The following CCNYL1 variants were observed in gnomAD, a reference collection of about 807,000 sequenced individuals.
The protein encoded by CCNYL1 is cyclin-Y-like protein 1.
In CCNYL1, 16 loss-of-function variants were observed where a neutral mutation model predicts 44.2. The observed-to-expected ratio is 0.36, with a 90% CI of 0.25 to 0.55. The LOEUF (loss-of-function observed/expected upper bound fraction) is 0.55. CCNYL1 is among the 20% of genes least tolerant of loss of function. The probability of loss-of-function intolerance (pLI) is 0.85; values close to 1 mark genes in which losing one functional copy is unlikely to be tolerated. For synonymous variants in CCNYL1, 159 were observed against 163.2 expected (o/e 0.97, Z 0.20); for missense variants, 348 against 451.8 (o/e 0.77, Z 2.08).
In CCNYL1 at chr2:207,753,917, G is replaced by T; in HGVS notation, c.*219G>T. ...TCTTCTGTCCTTTTTAATGTAAACA[G>T]AGTTACAAAAACCACTCCAAAGTGA... On this transcript the variant is annotated 3_prime_UTR_variant, in exon 10 of 10. Transcript: ENST00000295414. The T allele has an allele frequency of 7.1e-6, 3 of 423,520 alleles. No individual in the cohort carries two copies. The highest frequency in any genetic ancestry group is 8.4e-6 in the Non-Finnish European group (2 of 237,390). The allele number at this position is 423,520 out of a possible 1,614,324, so 26.2% of individuals were successfully genotyped here. A position where few individuals can be genotyped will look rare whatever the true frequency, so the allele number is the denominator to read the frequency against.
chr2:207,747,642 A>G (rs1422138484), intron 8 of CCNYL1, among the ~76,000 whole-genome samples: 3 of 152,170 alleles, frequency 2.0e-5, no homozygotes, highest in East Asian at 3.9e-4. Context: ...TCCACCTCCC[A>G]GGTTCAAGCG....
chr2:207,732,644 A>C (rs1186627327), intron 3 of CCNYL1, among the ~76,000 whole-genome samples: 1 of 152,160 alleles, frequency 6.6e-6, no homozygotes, highest in Non-Finnish European at 1.5e-5. Context: ...TTTAAAAAAA[A>C]ATGCTACTGT....
chr2:207,748,315 A>G (rs2091869502), intron 8 of CCNYL1, among the ~76,000 whole-genome samples: 1 of 152,168 alleles, frequency 6.6e-6, no homozygotes, highest in Non-Finnish European at 1.5e-5. Context: ...CACTCGGACA[A>G]CCACAGCACC....
At chr2:207,741,826 A>G (rs1289138041) in intron 6 of CCNYL1, among the ~76,000 whole-genome samples, 2 of 136,690 alleles carry the variant, frequency 1.5e-5, no homozygotes, top group African/African-American at 5.6e-5. Flanking sequence ...AGCCTGGGCG[A>G]CAGAGCAAGA....
intron 1 of CCNYL1, among the ~76,000 whole-genome samples, chr2:207,716,312 C>G (rs142586183): frequency 1.4e-5 from 2 of 144,518 alleles, no homozygotes; most frequent in East Asian, 4.0e-4. Flanking sequence ...GATCTTTCCT[C>G]TTTCCAGTAG....
chr2:207,751,252 C>T, intron 9 of CCNYL1, 133 bp downstream of exon 9: 1 of 705,590 alleles, frequency 1.4e-6, no homozygotes, highest in Non-Finnish European at 2.3e-6. Context: ...GCTTATTAGC[C>T]CTTTGGCGTC....
At chr2:207,712,229 C>A in intron 1 of CCNYL1, 113 bp downstream of exon 1, 1 of 846,684 alleles carries the variant, frequency 1.2e-6, no homozygotes, top group Non-Finnish European at 1.8e-6. Flanking sequence ...GGTAGCCGGC[C>A]CCGGGACGAA....
At chr2:207,718,668 A>G (rs746863360) in intron 1 of CCNYL1, among the ~76,000 whole-genome samples, 24 of 152,252 alleles carry the variant, frequency 1.6e-4, no homozygotes, top group Non-Finnish European at 4.4e-5. Flanking sequence ...AGAAGATCCA[A>G]AAACTTGACA....
intron 1 of CCNYL1, among the ~76,000 whole-genome samples, chr2:207,715,066 G>A (rs1012072357): frequency 6.6e-6 from 1 of 152,128 alleles, no homozygotes; most frequent in Non-Finnish European, 1.5e-5. Flanking sequence ...TCAGGAGTTC[G>A]AGAGCAGCCT....
intron 4 of CCNYL1, among the ~76,000 whole-genome samples, chr2:207,736,674 A>G (rs1392227564): frequency 6.6e-6 from 1 of 152,220 alleles, no homozygotes; most frequent in African/African-American, 2.4e-5. Context: ...AGGGGAAATA[A>G]TGAAAGATGG....
chr2:207,724,061 A>G (rs1000730875), intron 1 of CCNYL1, among the ~76,000 whole-genome samples: 2 of 152,126 alleles, frequency 1.3e-5, no homozygotes, highest in African/African-American at 4.8e-5. Flanking sequence ...AGGCAGGTTT[A>G]TCTTGACATA....
At chr2:207,751,985 A>G (rs912631088) in intron 9 of CCNYL1, among the ~76,000 whole-genome samples, 5 of 151,940 alleles carry the variant, frequency 3.3e-5, no homozygotes, top group Admixed American at 2.0e-4. Context: ...CAGTGAGCCA[A>G]GATTGCACCG....
At chr2:207,712,172 C>T (rs1340354072) in intron 1 of CCNYL1, 56 bp downstream of exon 1, 5 of 1,466,930 alleles carry the variant, frequency 3.4e-6, no homozygotes, top group Non-Finnish European at 4.6e-6. Flanking sequence ...CGCCTCCTCC[C>T]CCAGAGTCCC....
intron 6 of CCNYL1, among the ~76,000 whole-genome samples, chr2:207,741,197 G>A (rs774712189): frequency 4.6e-4 from 70 of 152,068 alleles, no homozygotes; most frequent in Non-Finnish European, 7.5e-4. Context: ...GGAGCTTGCA[G>A]TGAGCCAAGA....
chr2:207,721,713 A>G lies in CCNYL1; in HGVS notation c.221-3087A>G, dbSNP rs188845836. On this transcript the variant is annotated intron_variant, in intron 1 of 9. Transcript: ENST00000295414. ...ATCAAAAACTATTTCTTCTAGTTTC[A>G]AACATTCTTAGGAGTTTTTTGTTTT... Among the ~76,000 whole-genome samples, 105 of 151,982 alleles carry G rather than the reference A, an allele frequency of 6.9e-4. 1 individual carries two copies. In the Middle Eastern group the frequency reaches 0.014, roughly 20 times the overall value.
intron 8 of CCNYL1, among the ~76,000 whole-genome samples, chr2:207,749,460 C>T (rs1347819058): frequency 6.6e-6 from 1 of 151,984 alleles, no homozygotes; most frequent in African/African-American, 2.4e-5. Context: ...TTTGCTGTGC[C>T]TGTAAAGGGT....
intron 7 of CCNYL1, among the ~76,000 whole-genome samples, chr2:207,743,890 C>T (rs2091831660): frequency 6.6e-6 from 1 of 152,012 alleles, no homozygotes; most frequent in Non-Finnish European, 1.5e-5. Context: ...CCAGGCTGGT[C>T]TCAGAACTGA....
intron 5 of CCNYL1, among the ~76,000 whole-genome samples, chr2:207,737,692 T>TA (rs2091776146): frequency 6.7e-6 from 1 of 148,980 alleles, no homozygotes; most frequent in African/African-American, 2.5e-5. Context: ...AGTTGAGAAT[T>TA]TAAAAAAAAA....
rs1305942223 is a variant in CCNYL1, at chr2:207,755,137, G to T, written c.*1439G>T. ...TTCATGCCTGTAATCTCAGTACCCT[G>T]GGAGGCTGAGGTGGAAGGATTGCTT... On this transcript the variant is annotated 3_prime_UTR_variant, in exon 10 of 10. Coordinates refer to ENST00000295414, the MANE Select transcript of CCNYL1 (RefSeq NM_001330218.2). 1 of 152,132 alleles carries T rather than the reference G, an allele frequency of 6.6e-6. No individual in the cohort carries two copies. Among genetic ancestry groups the T allele is most frequent in the East Asian group, 1.9e-4 (1 of 5,172 alleles). The allele number at this position is 152,132 out of a possible 1,614,324, so 9.4% of individuals were successfully genotyped here. A position where few individuals can be genotyped will look rare whatever the true frequency, so the allele number is the denominator to read the frequency against.
Sources: allele counts gnomAD v4.1 joint callset (sites outside exome capture counted in the v4.1 genomes callset), GRCh38; gene constraint gnomAD v4.1.1; transcripts MANE v1.5; gene names NCBI Gene and HGNC (gene_info 2026-07-23, HGNC 2026-07-21).